Variants in LAX1 observed in about 807,000 individuals in gnomAD.
LAX1 encodes lymphocyte transmembrane adapter 1.
In LAX1, 17 loss-of-function variants were observed where a neutral mutation model predicts 20.7. That is an observed-to-expected ratio of 0.82 (90% CI 0.56 to 1.23). The LOEUF is 1.23. Ranked by LOEUF, LAX1 falls within the 50% of genes most tolerant of loss-of-function variation. The pLI is 0.00. For synonymous variants in LAX1, 165 were observed against 181.0 expected, an observed-to-expected ratio of 0.91 and a Z score of 0.71; for missense variants, 470 against 487.0, an observed-to-expected ratio of 0.97 and a Z score of 0.33.
rs1187617655 is a variant in LAX1 at position 203,774,697 on chromosome 1, G to A, written c.*16G>A. On this transcript the variant is annotated 3_prime_UTR_variant, in exon 5 of 5. Coordinates refer to ENST00000442561, the MANE Select transcript of LAX1 (RefSeq NM_017773.4). Reference sequence around the variant, plus strand: ...TGATGAATGAAGACCCAGGTACCCAGCCATAAAGCCACATTGAGTAGTCTA... The same window carrying A: ...TGATGAATGAAGACCCAGGTACCCAACCATAAAGCCACATTGAGTAGTCTA... 6.2e-7 allele frequency: 1 copy of A among 1,605,586 alleles called. No individual in the cohort carries two copies. The highest frequency in any genetic ancestry group is 8.5e-7 in the Non-Finnish European group (1 of 1,175,236).
chr1:203,774,091 G>T lies in LAX1; in HGVS notation c.607G>T (p.Ala203Ser). ...CAATGTCCCCACAGCAGAAGAGATTGCTGAGACTCTAGCTTCTACCAAAAG... is the reference window on the plus strand; with the variant it reads ...CAATGTCCCCACAGCAGAAGAGATTTCTGAGACTCTAGCTTCTACCAAAAG... ...YVNVPTAEEI[A>S]ETLASTKSPS... Residue 203 changes from alanine (A) to serine (S), a missense_variant, in exon 5 of 5, where the codon GCT becomes TCT. Physicochemically the swap from Ala to Ser is moderately conservative, Grantham distance 99. Coordinates refer to ENST00000442561, the MANE Select transcript of LAX1 (RefSeq NM_017773.4). The T allele has an allele frequency of 6.2e-7, 1 of 1,614,176 alleles. No homozygotes were observed. Among genetic ancestry groups the T allele is most frequent in the South Asian group, 1.1e-5 (1 of 91,080 alleles).
intron 1 of LAX1, among the ~76,000 whole-genome samples, chr1:203,770,437 G>A (rs12075412): frequency 0.32 from 11,412 of 35,730 alleles, 1,949 homozygotes; most frequent in South Asian, 0.54. Flanking sequence ...GAAAGAAAGA[G>A]AGAGAGAGAG....
At position 203,774,288 on chromosome 1, in the gene LAX1, T is replaced by C. The variant is rs767775239; in HGVS notation, c.804T>C (p.Tyr268=). Residue 268 remains tyrosine (Y), a synonymous_variant, in exon 5 of 5, where the codon TAT becomes TAC. Transcript: ENST00000442561. ...GTTCTTCTCAGATCTCAAATGACTA[T>C]GTCAACATGACAGGGTTGGATCTCA... ...GEGSSQISND[Y]VNMTGLDLSA... 27 of 1,614,092 alleles carry C rather than the reference T, an allele frequency of 1.7e-5. No homozygotes were observed. Among genetic ancestry groups the C allele is most frequent in the Middle Eastern group, 3.3e-4 (2 of 6,084 alleles).
chr1:203,770,287 G>A (rs757526234), intron 1 of LAX1, among the ~76,000 whole-genome samples: 3 of 151,318 alleles, frequency 2.0e-5, no homozygotes, highest in Non-Finnish European at 4.4e-5. Flanking sequence ...CTCATGGCAC[G>A]CTCCTGTAAT....
At chr1:203,770,112 G>A (rs1054898328) in intron 1 of LAX1, among the ~76,000 whole-genome samples, 1 of 152,006 alleles carries the variant, frequency 6.6e-6, no homozygotes, top group South Asian at 2.1e-4. Context: ...TGATAGGATT[G>A]TTAAAGATTA....
chr1:203,769,781 G>GC (rs1667372749), intron 1 of LAX1: 1 of 151,658 alleles, frequency 6.6e-6, no homozygotes, highest in Non-Finnish European at 1.5e-5. Context: ...TGCGGGGGGG[G>GC]GGGCGGCGGG....
At chr1:203,768,410 T>C (rs974816347) in intron 1 of LAX1, among the ~76,000 whole-genome samples, 2 of 152,098 alleles carry the variant, frequency 1.3e-5, no homozygotes, top group African/African-American at 2.4e-5. Context: ...GGAAGACGTG[T>C]CTGAGGAGAT....
Position 203,774,505 on chromosome 1 carries a change from G to A in LAX1, c.1021G>A (p.Ala341Thr), listed in dbSNP as rs1667478517. 1 of 1,614,220 alleles carries A rather than the reference G, an allele frequency of 6.2e-7. No homozygotes were observed. The highest frequency in any genetic ancestry group is 8.5e-7 in the Non-Finnish European group (1 of 1,180,030). The change falls in exon 5 of 5, where the codon GCT becomes ACT. Residue 341 changes from alanine (A) to threonine (T), a missense_variant. Transcript: ENST00000442561. The stretch of plus-strand genomic sequence containing the variant: ...CCAATGTGTCAAAAGGACATTCCTT[G>A]CTTCAGGGGATTATGCAGACTTTCA... ...HVQCVKRTFL[A>T]SGDYADFQPF...
chr1:203,773,781 T>TAAAA, intron 4 of LAX1, 94 bp from the exon 5 acceptor site: 2 of 199,254 alleles, frequency 1.0e-5, no homozygotes, highest in Admixed American at 6.7e-5. Flanking sequence ...TTTTTTTTTT[T>TAAAA]TTTCAGAATA....
intron 1 of LAX1, among the ~76,000 whole-genome samples, chr1:203,770,483 AAGGAAGGAAGG>A (rs1667393110): frequency 1.5e-5 from 1 of 68,484 alleles, no homozygotes; most frequent in African/African-American, 5.2e-5. Flanking sequence ...GGAAGGAAGG[AAGGAAGGAAGG>A]AAGGAAGGAA....
chr1:203,774,651 G>C lies in LAX1; in HGVS notation c.1167G>C (p.Gly389=). ...TAGGAGGCAGGGACTCTGAGCAGGG[G>C]CCTGGCACTCAGCTCCTTCCTGATG... is the stretch of plus-strand genomic sequence containing the variant. ...AKLGGRDSEQ[G]PGTQLLPDE is the part of the protein sequence containing the mutation. Residue 389 remains glycine (G), a synonymous_variant, in exon 5 of 5, where the codon GGG becomes GGC. Coordinates refer to ENST00000442561, the MANE Select transcript of LAX1 (RefSeq NM_017773.4). The C allele has an allele frequency of 6.2e-7, 1 of 1,614,118 alleles. No homozygotes were observed. The highest frequency in any genetic ancestry group is 8.5e-7 in the Non-Finnish European group (1 of 1,180,000).
At position 203,776,056 on chromosome 1, in the gene LAX1, A is replaced by G. The variant is rs10900475; in HGVS notation, c.*1375A>G. ...CACATGGCCAGGCGCGGTGGCTCAC[A>G]CCCGTAATCCCAGCACTTTGCGGGG... On this transcript the variant is annotated 3_prime_UTR_variant, in exon 5 of 5. Coordinates refer to ENST00000442561, the MANE Select transcript of LAX1 (RefSeq NM_017773.4). 46,669 of 152,022 alleles carry G rather than the reference A, an allele frequency of 0.31. 7,283 individuals carry two copies. Among genetic ancestry groups the G allele is most frequent in the South Asian group, 0.36 (1,749 of 4,812 alleles). 9.4% of individuals were successfully genotyped at this position (152,022 alleles called of 1,614,324 possible).
In LAX1 at chr1:203,774,801, T is replaced by A; in HGVS notation, c.*120T>A. ...GCTTCAGTGGATTCACTGGTTAGAT[T>A]AAAAAGAGGCTGAGATGAGCAGTGA... On this transcript the variant is annotated 3_prime_UTR_variant, in exon 5 of 5. Coordinates refer to ENST00000442561, the MANE Select transcript of LAX1 (RefSeq NM_017773.4). 1.2e-6 allele frequency: 1 copy of A among 802,144 alleles called. No homozygotes were observed. Among genetic ancestry groups the A allele is most frequent in the South Asian group, 1.9e-5 (1 of 53,892 alleles). 49.7% of individuals were successfully genotyped at this position (802,144 alleles called of 1,614,324 possible).
chr1:203,773,927 C>T lies in LAX1; in HGVS notation c.443C>T (p.Thr148Ile), dbSNP rs1482081639. ...FQEHTAHIHA[T>I]EYAVGIYDNA... is the part of the protein sequence containing the mutation. ...GAGCATACAGCCCACATCCATGCCA[C>T]AGAGTACGCGGTGGGTATCTATGAC... Residue 148 changes from threonine to isoleucine, a missense_variant, in exon 5 of 5, where the codon ACA becomes ATA. Thr to Ile is a moderately conservative substitution (Grantham distance 89). Coordinates refer to ENST00000442561, the MANE Select transcript of LAX1 (RefSeq NM_017773.4). 6.2e-7 allele frequency: 1 copy of T among 1,614,034 alleles called. No homozygotes were observed. The highest frequency in any genetic ancestry group is 1.7e-5 in the Admixed American group (1 of 59,972).
intron 4 of LAX1, 97 bp from the exon 5 acceptor site, chr1:203,773,778 T>TAAAAAA: frequency 3.7e-6 from 1 of 267,430 alleles, no homozygotes. Flanking sequence ...TTTTTTTTTT[T>TAAAAAA]TTTTTTCAGA....
At chr1:203,771,963 A>T in intron 3 of LAX1, 105 bp from the exon 4 acceptor site, 1 of 904,778 alleles carries the variant, frequency 1.1e-6, no homozygotes, top group Non-Finnish European at 1.8e-6. Flanking sequence ...AAGGCTGGAA[A>T]TTCCAGACAC....
rs1553254324 is a variant in LAX1 at position 203,770,433 on chromosome 1, A to AGAGAGAGAGAGAGAG, written c.90-395_90-394insGAGAGAGAGAGAGAG. On this transcript the variant is annotated intron_variant, in intron 1 of 4. Coordinates refer to ENST00000442561, the MANE Select transcript of LAX1 (RefSeq NM_017773.4). ...TCCATCAAAAAGAAAGAAAGAAAGA[A>AGAGAGAGAGAGAGAG]AGAGAGAGAGAGAGAGAGAGAAAGG... 8.2e-4 allele frequency among the ~76,000 whole-genome samples: 37 copies of AGAGAGAGAGAGAGAG among 44,906 alleles called. 9 individuals are homozygous for AGAGAGAGAGAGAGAG. The highest frequency in any genetic ancestry group is 1.2e-3 in the Non-Finnish European group (24 of 20,454). 29.5% of individuals were successfully genotyped at this position (44,906 alleles called of 152,430 possible).
At chr1:203,766,547 G>C (rs1335279406) in intron 1 of LAX1, among the ~76,000 whole-genome samples, 3 of 152,210 alleles carry the variant, frequency 2.0e-5, no homozygotes, top group Non-Finnish European at 4.4e-5. Flanking sequence ...CATGTCACTT[G>C]CTGGTAGATA....
chr1:203,767,459 C>A (rs184303350), intron 1 of LAX1, among the ~76,000 whole-genome samples: 205 of 151,466 alleles, frequency 1.4e-3, no homozygotes, highest in Middle Eastern at 3.5e-3. Flanking sequence ...AGGCATGAGC[C>A]ACCATGCCTG....
Sources: gnomAD v4.1 joint callset for allele counts (sites outside exome capture counted in the v4.1 genomes callset) on GRCh38, gnomAD v4.1.1 for gene constraint, MANE v1.5 for transcripts, NCBI Gene and HGNC (gene_info 2026-07-23, HGNC 2026-07-21) for gene names.